SYTL5: variants seen among roughly 807,000 people sequenced by gnomAD.
SYTL5 encodes the protein synaptotagmin like 5.
In SYTL5, 34 loss-of-function variants were observed where a neutral mutation model predicts 55.9. That is an observed-to-expected ratio of 0.61 (90% CI 0.46 to 0.81). The LOEUF is 0.81. Among genes scored for constraint, SYTL5 ranks in the 30% least tolerant of loss-of-function variants. The pLI is 0.00. For synonymous variants in SYTL5, 221 were observed against 188.7 expected (o/e 1.17, Z -1.40); for missense variants, 637 against 546.7 (o/e 1.17, Z -1.65).
At position 38,122,081 on chromosome X, in the gene SYTL5, A is replaced by T. The variant is rs745893575; in HGVS notation, c.1707A>T (p.Gly569=). The T allele has an allele frequency of 6.9e-5, 82 of 1,181,405 alleles. 1 individual carries two copies. The Admixed American group carries it at 1.8e-3, about 27-fold the overall frequency. ...CCCTCATTTTGGTGGCTGACACAGG[A>T]AATAAGACTTTTAAAAAGGGAAAGA... ...NLMLPPEQLQ[G]NKTFKKGKKK... The change falls in exon 15 of 17, where the codon GGA becomes GGT. Residue 569 remains glycine, a splice_region_variant and synonymous_variant. Coordinates refer to ENST00000297875, the MANE Select transcript of SYTL5 (RefSeq NM_138780.3).
the SYTL5 span, among the ~76,000 whole-genome samples, chrX:37,902,251 G>A: frequency 8.9e-6 from 1 of 111,992 alleles, no homozygotes; most frequent in Non-Finnish European, 1.9e-5. Flanking sequence ...ACTTCTTCCT[G>A]TGCGCACCTT....
At chrX:38,126,498 G>A in intron 16 of SYTL5, 90 bp from the exon 17 acceptor site, 1 of 990,304 alleles carries the variant, frequency 1.0e-6, no homozygotes, top group South Asian at 2.2e-5. Flanking sequence ...GTACTCTGGT[G>A]AAAAGGCCTG....
At chrX:38,114,957 C>T (rs1253311271) in intron 13 of SYTL5, among the ~76,000 whole-genome samples, 2 of 111,730 alleles carry the variant, frequency 1.8e-5, no homozygotes, top group Non-Finnish European at 3.8e-5. Context: ...ATGCAGTGTT[C>T]ATCTTTCTGT....
At chrX:38,085,698 G>A (rs1208290447) in intron 6 of SYTL5, among the ~76,000 whole-genome samples, 4 of 111,609 alleles carry the variant, frequency 3.6e-5, no homozygotes, top group Non-Finnish European at 7.5e-5. Context: ...GCTGCCTTAG[G>A]AGAGCACACA....
intron 14 of SYTL5, among the ~76,000 whole-genome samples, chrX:38,121,150 T>C (rs1416185926): frequency 3.6e-5 from 4 of 110,539 alleles, no homozygotes; most frequent in Non-Finnish European, 7.6e-5. Flanking sequence ...AACAACCAGC[T>C]CTCACAGGAA....
At chrX:37,934,875 C>T in the SYTL5 span, among the ~76,000 whole-genome samples, 5 of 111,521 alleles carry the variant, frequency 4.5e-5, no homozygotes, top group Non-Finnish European at 9.4e-5. Flanking sequence ...CTCAAGTGAT[C>T]AGCCTGCCTT....
chrX:37,991,347 T>C, the SYTL5 span: 13 of 980,579 alleles, frequency 1.3e-5, no homozygotes, highest in African/African-American at 2.4e-4. Flanking sequence ...TTTCTGTCGC[T>C]TTGGGTTGTA....
rs1398475939 is a variant in SYTL5, at chrX:38,076,598, A to G, written c.586A>G (p.Arg196Gly). Residue 196 changes from arginine (R) to glycine (G), a missense_variant, in exon 6 of 17, where the codon AGA (arginine) becomes GGA (glycine). Physicochemically the swap from Arg to Gly is moderately radical, Grantham distance 125. Transcript: ENST00000297875. Reference sequence around the variant, plus strand: ...TCTTAGCAAGTTCAGATCGGCAACCAGAGGAGAAATCATAACTCCCAAAAC... The same window carrying G: ...TCTTAGCAAGTTCAGATCGGCAACCGGAGGAGAAATCATAACTCCCAAAAC... ...FLLSKFRSAT[R>G]GEIITPKTDT... The G allele has an allele frequency of 8.3e-7, 1 of 1,207,398 alleles. No individual in the cohort carries two copies.
At chrX:37,941,885 TACTTGAAATA>T in the SYTL5 span, among the ~76,000 whole-genome samples, 4 of 81,591 alleles carry the variant, frequency 4.9e-5, no homozygotes, top group African/African-American at 1.6e-4. Context: ...GGAAGTCAAT[TACTTGAAATA>T]ACTTGTAGGG....
the SYTL5 span, among the ~76,000 whole-genome samples, chrX:37,903,303 A>C: frequency 9.4e-6 from 1 of 106,848 alleles, no homozygotes; most frequent in Non-Finnish European, 1.9e-5. Flanking sequence ...ACCAACCCAA[A>C]TGTCCAACAA....
chrX:38,034,927 G>T (rs1277040355), intron 2 of SYTL5, among the ~76,000 whole-genome samples: 1 of 112,132 alleles, frequency 8.9e-6, no homozygotes, highest in African/African-American at 3.2e-5. Flanking sequence ...TAGGTTTTGT[G>T]TCTTGTATGG....
intron 13 of SYTL5, among the ~76,000 whole-genome samples, chrX:38,116,007 A>T (rs1005711957): frequency 9.0e-6 from 1 of 111,373 alleles, no homozygotes; most frequent in African/African-American, 3.3e-5. Context: ...TCAAAAAAAA[A>T]TTTCCCAGAC....
chrX:38,037,937 G>A (rs1368469115), intron 2 of SYTL5, among the ~76,000 whole-genome samples: 1 of 111,254 alleles, frequency 9.0e-6, no homozygotes, highest in Non-Finnish European at 1.9e-5. Flanking sequence ...TCCAAAGGCT[G>A]AGAACCGGGA....
chrX:38,085,672 G>T (rs1936647094), intron 6 of SYTL5, among the ~76,000 whole-genome samples: 1 of 111,462 alleles, frequency 9.0e-6, no homozygotes, highest in Admixed American at 9.5e-5. Flanking sequence ...TGAGTTTTAG[G>T]ATCTCTCAGG....
the SYTL5 span, among the ~76,000 whole-genome samples, chrX:37,947,149 A>G: frequency 1.8e-5 from 2 of 111,132 alleles, no homozygotes; most frequent in African/African-American, 6.5e-5. Context: ...TCTTCATATT[A>G]TAAGGCTCAC....
chrX:38,102,285 A>G, intron 9 of SYTL5, 57 bp from the exon 10 acceptor site: 1 of 866,050 alleles, frequency 1.2e-6, no homozygotes, highest in Non-Finnish European at 1.7e-6. Flanking sequence ...CTCAAGTGAA[A>G]AAACATTCTA....
At chrX:37,922,268 T>G in the SYTL5 span, among the ~76,000 whole-genome samples, 1 of 111,895 alleles carries the variant, frequency 8.9e-6, no homozygotes, top group African/African-American at 3.2e-5. Context: ...GGGATATTTG[T>G]GGCAATGTCA....
chrX:37,901,336 G>A, the SYTL5 span, among the ~76,000 whole-genome samples: 1 of 111,816 alleles, frequency 8.9e-6, no homozygotes, highest in South Asian at 3.8e-4. Flanking sequence ...AAGAGGCATT[G>A]ATGCAGCGTT....
Position 38,039,857 on chromosome X carries a change from CA to C in SYTL5, c.119+5857del, listed in dbSNP as rs200696552. 8.0e-3 allele frequency among the ~76,000 whole-genome samples: 886 copies of C among 111,316 alleles called. 11 individuals carry two copies. Among genetic ancestry groups the C allele is most frequent in the African/African-American group, 0.028 (849 of 30,567 alleles). The stretch of plus-strand genomic sequence containing the variant: ...TGAATTTTTTAAACAAATTTTTTCT[CA>C]AAAAAAATTTTTTTTATTTTTTAAA... On this transcript the variant is annotated intron_variant, in intron 2 of 16. Coordinates refer to ENST00000297875, the MANE Select transcript of SYTL5 (RefSeq NM_138780.3).
Sources: allele counts gnomAD v4.1 joint callset (sites outside exome capture counted in the v4.1 genomes callset), GRCh38; gene constraint gnomAD v4.1.1; transcripts MANE v1.5; gene names NCBI Gene and HGNC (gene_info 2026-07-23, HGNC 2026-07-21).